Variants in OLFM3 observed in about 807,000 individuals in gnomAD.
The protein encoded by OLFM3 is noelin-3.
In OLFM3, 20 loss-of-function variants were observed where a neutral mutation model predicts 48.6. The observed-to-expected ratio is 0.41, with a 90% CI of 0.29 to 0.60. The LOEUF (loss-of-function observed/expected upper bound fraction) is 0.60, where lower values mean the gene tolerates loss of function less well. OLFM3 is among the 20% of genes least tolerant of loss of function. The probability of loss-of-function intolerance (pLI) is 0.28; values close to 1 mark genes in which losing one functional copy is unlikely to be tolerated. For missense variants in OLFM3, 437 were observed against 544.3 expected, an observed-to-expected ratio of 0.80 and a Z score of 1.96; for synonymous variants, 222 against 198.1, an observed-to-expected ratio of 1.12 and a Z score of -1.01.
chr1:101,942,326 G>A (rs76799192), intron 1 of OLFM3, among the ~76,000 whole-genome samples: 7,864 of 152,258 alleles, frequency 0.052, 280 homozygotes, highest in Non-Finnish European at 0.082. Flanking sequence ...TTGGGGTGCT[G>A]TAACAATCAG....
intron 1 of OLFM3, among the ~76,000 whole-genome samples, chr1:101,881,576 A>T (rs926214078): frequency 4.6e-4 from 70 of 151,890 alleles, no homozygotes; most frequent in Non-Finnish European, 5.3e-4. Context: ...TAATAACAAT[A>T]AGGAGTAAGC....
chr1:101,831,859 T>C lies in OLFM3; in HGVS notation c.217-1032A>G, dbSNP rs1027723366. Among the ~76,000 whole-genome samples, 21 of 152,248 alleles carry C rather than the reference T, an allele frequency of 1.4e-4. 1 individual carries two copies. The East Asian group carries it at 2.5e-3, about 18-fold the overall frequency. Reference sequence around the variant, plus strand: ...GAAAGATTTCAATGAGAAAAGCAAATGTAAAGATCTTCATAAAATTTGATC... The same window carrying C: ...GAAAGATTTCAATGAGAAAAGCAAACGTAAAGATCTTCATAAAATTTGATC... On this transcript the variant is annotated intron_variant, in intron 2 of 5. Coordinates refer to ENST00000370103, the MANE Select transcript of OLFM3 (RefSeq NM_058170.4).
chr1:101,959,183 T>C (rs1436193070), intron 1 of OLFM3, among the ~76,000 whole-genome samples: 2 of 152,092 alleles, frequency 1.3e-5, no homozygotes, highest in Admixed American at 1.3e-4. Flanking sequence ...AGGCATATCA[T>C]TTATACTGCA....
chr1:101,893,936 G>A (rs532324606), intron 1 of OLFM3: 30 of 153,862 alleles, frequency 1.9e-4, no homozygotes, highest in South Asian at 1.8e-3. Context: ...TTCAAATCAG[G>A]AAAGATGATG....
intron 1 of OLFM3, among the ~76,000 whole-genome samples, chr1:101,849,533 A>G (rs183720846): frequency 2.0e-5 from 3 of 152,228 alleles, no homozygotes; most frequent in Admixed American, 2.0e-4. Flanking sequence ...CAAAGCAGTA[A>G]GATCATTAGT....
intron 4 of OLFM3, among the ~76,000 whole-genome samples, chr1:101,824,529 G>A (rs936623198): frequency 4.6e-5 from 7 of 152,022 alleles, no homozygotes; most frequent in African/African-American, 1.7e-4. Flanking sequence ...CAGAGCAGTT[G>A]ATGGCAATTC....
chr1:101,995,122 A>G (rs1451993979), intron 1 of OLFM3, among the ~76,000 whole-genome samples: 1 of 152,140 alleles, frequency 6.6e-6, no homozygotes, highest in African/African-American at 2.4e-5. Context: ...ATTGTTAATG[A>G]AGCTCTACAT....
chr1:101,886,794 C>T (rs1657778118), intron 1 of OLFM3, among the ~76,000 whole-genome samples: 1 of 152,122 alleles, frequency 6.6e-6, no homozygotes, highest in African/African-American at 2.4e-5. Context: ...ATTATTGGAA[C>T]ACACTCCTTT....
intron 1 of OLFM3, among the ~76,000 whole-genome samples, chr1:101,867,361 G>A (rs6662163): frequency 0.53 from 80,070 of 152,024 alleles, 21,858 homozygotes; most frequent in African/African-American, 0.65. Context: ...CAATATTACA[G>A]TGGTGTCATG....
chr1:101,974,702 C>T (rs1420799361), intron 1 of OLFM3, among the ~76,000 whole-genome samples: 1 of 152,094 alleles, frequency 6.6e-6, no homozygotes, highest in Non-Finnish European at 1.5e-5. Flanking sequence ...CAACTGATGC[C>T]TGTGCTCTGA....
intron 1 of OLFM3, among the ~76,000 whole-genome samples, chr1:101,939,578 A>G (rs982356931): frequency 8.5e-5 from 13 of 152,184 alleles, no homozygotes; most frequent in African/African-American, 2.9e-4. Context: ...GAGAGAAGAT[A>G]ACATTCTGGA....
At chr1:101,923,174 T>C (rs1196445852) in intron 1 of OLFM3, among the ~76,000 whole-genome samples, 1 of 152,202 alleles carries the variant, frequency 6.6e-6, no homozygotes, top group Non-Finnish European at 1.5e-5. Context: ...CATATCTCTG[T>C]AGAGTGACTG....
At chr1:101,888,194 C>A (rs764818026) in intron 1 of OLFM3, among the ~76,000 whole-genome samples, 7 of 152,082 alleles carry the variant, frequency 4.6e-5, no homozygotes, top group Non-Finnish European at 8.8e-5. Flanking sequence ...ATTGCCAAGA[C>A]AATCCTAAGC....
chr1:101,926,452 C>T (rs530261126), intron 1 of OLFM3, among the ~76,000 whole-genome samples: 3 of 152,220 alleles, frequency 2.0e-5, no homozygotes, highest in Admixed American at 2.0e-4. Context: ...AACAGGGCAG[C>T]CTGGTGGAGC....
chr1:101,981,613 C>T (rs1177384693), intron 1 of OLFM3, among the ~76,000 whole-genome samples: 1 of 152,212 alleles, frequency 6.6e-6, no homozygotes, highest in African/African-American at 2.4e-5. Context: ...TAACAGCTGC[C>T]TACTCTACAA....
chr1:101,814,951 GAAT>G (rs1654257606), intron 4 of OLFM3, among the ~76,000 whole-genome samples: 1 of 152,146 alleles, frequency 6.6e-6, no homozygotes, highest in South Asian at 2.1e-4. Context: ...AATGTATTTA[GAAT>G]ACACTTGGAA....
intron 1 of OLFM3, among the ~76,000 whole-genome samples, chr1:101,890,210 T>C (rs1657936236): frequency 6.6e-6 from 1 of 152,106 alleles, no homozygotes; most frequent in South Asian, 2.1e-4. Context: ...GTTAAAATTA[T>C]GTCTTTCAAA....
At chr1:101,943,823 C>G (rs1301606235) in intron 1 of OLFM3, among the ~76,000 whole-genome samples, 1 of 151,992 alleles carries the variant, frequency 6.6e-6, no homozygotes, top group East Asian at 1.9e-4. Context: ...AGGATTACTG[C>G]TGTTATTGTA....
At chr1:101,945,954 G>A (rs1659952306) in intron 1 of OLFM3, among the ~76,000 whole-genome samples, 1 of 152,124 alleles carries the variant, frequency 6.6e-6, no homozygotes, top group Non-Finnish European at 1.5e-5. Context: ...GTTGAGGCAG[G>A]GACATGGCAA....
Sources: gnomAD v4.1 joint callset for allele counts (sites outside exome capture counted in the v4.1 genomes callset) on GRCh38, gnomAD v4.1.1 for gene constraint, MANE v1.5 for transcripts, NCBI Gene and HGNC (gene_info 2026-07-23, HGNC 2026-07-21) for gene names.